Variants in PI4KA observed in about 807,000 individuals in gnomAD.
PI4KA encodes the protein PI4-kinase alpha.
In PI4KA, 122 loss-of-function variants were observed where a neutral mutation model predicts 271.4. The observed-to-expected ratio is 0.45, with a 90% CI of 0.39 to 0.52. PI4KA has a LOEUF of 0.52. Among genes scored for constraint, PI4KA ranks in the 20% least tolerant of loss-of-function variants. The pLI, the probability that PI4KA is intolerant of heterozygous loss-of-function variation, is 0.00. For synonymous variants in PI4KA, 1,041 were observed against 1,078.8 expected, an observed-to-expected ratio of 0.96 and a Z score of 0.69; for missense variants, 1,969 against 2,769.1, an observed-to-expected ratio of 0.71 and a Z score of 6.48.
At chr22:20,746,562 A>C (rs1568982949) in intron 29 of PI4KA, among the ~76,000 whole-genome samples, 1 of 152,204 alleles carries the variant, frequency 6.6e-6, no homozygotes, top group Non-Finnish European at 1.5e-5. Context: ...ACCCCCAAAA[A>C]GGAAAAGGCT....
intron 23 of PI4KA, among the ~76,000 whole-genome samples, chr22:20,760,592 C>T (rs147333355): frequency 4.0e-4 from 61 of 152,306 alleles, no homozygotes; most frequent in African/African-American, 1.4e-3. Context: ...TACACACTCA[C>T]GGGACCACTA....
intron 1 of PI4KA, among the ~76,000 whole-genome samples, chr22:20,844,735 T>G (rs1433855728): frequency 6.6e-6 from 1 of 152,124 alleles, no homozygotes; most frequent in South Asian, 2.1e-4. Context: ...ATATTGAACA[T>G]TTATCATGTG....
At position 20,841,099 on chromosome 22, in the gene PI4KA, C is replaced by T. The variant is rs761485235; in HGVS notation, c.157-2368G>A. 4.1e-4 allele frequency among the ~76,000 whole-genome samples: 63 copies of T among 152,270 alleles called. No individual in the cohort carries two copies. In the Middle Eastern group the frequency reaches 0.01, roughly 25 times the overall value. On this transcript the variant is annotated intron_variant, in intron 1 of 54. Coordinates refer to ENST00000255882, the MANE Select transcript of PI4KA (RefSeq NM_058004.4). ...CCACCAAAACCAAGATGTCTGGTCT[C>T]GAACTCCTTATCTCAGGTGATACGC...
rs755379074 is a variant in PI4KA at position 20,803,263 on chromosome 22, A to C, written c.1519T>G (p.Leu507Val). The stretch of plus-strand genomic sequence containing the variant: ...GACGGGATGACCAGGAAGTCTCGCA[A>C]GGACGGTGTCACAGAGTGCACCACC... ...PVVVHSVTPS[L>V]RDFLVIPSPV... Residue 507 changes from leucine (L) to valine (V), a missense_variant, in exon 13 of 55, where the codon TTG (leucine) becomes GTG (valine). Physicochemically the swap from Leu to Val is conservative, Grantham distance 32. Around this residue, in one of 13 missense-constraint regions of PI4KA, gnomAD observed 228 missense variants for 261.6 expected, o/e 0.87. Transcript: ENST00000255882. 1.9e-5 allele frequency: 30 copies of C among 1,614,056 alleles called. No individual in the cohort carries two copies. The highest frequency in any genetic ancestry group is 2.5e-5 in the Non-Finnish European group (30 of 1,180,014).
At chr22:20,814,330 A>C (rs532372498) in intron 7 of PI4KA, among the ~76,000 whole-genome samples, 21 of 152,204 alleles carry the variant, frequency 1.4e-4, no homozygotes, top group Non-Finnish European at 2.6e-4. Context: ...TGACTGGGGG[A>C]AGGGGAAATG....
intron 2 of PI4KA, among the ~76,000 whole-genome samples, chr22:20,836,424 C>T (rs149960159): frequency 2.3e-3 from 354 of 152,344 alleles, no homozygotes; most frequent in Non-Finnish European, 4.1e-3. Flanking sequence ...AGACATCTGT[C>T]GAGGATCCTA....
intron 14 of PI4KA, among the ~76,000 whole-genome samples, chr22:20,800,445 C>A (rs1010229284): frequency 1.3e-5 from 2 of 152,168 alleles, no homozygotes; most frequent in Non-Finnish European, 1.5e-5. Flanking sequence ...TAAAACCTCA[C>A]ATTTATATTA....
At chr22:20,737,247 A>G (rs373064996) in intron 32 of PI4KA, among the ~76,000 whole-genome samples, 1 of 152,188 alleles carries the variant, frequency 6.6e-6, no homozygotes, top group Admixed American at 6.5e-5. Context: ...TGAAAGGGCT[A>G]CAAAAATTAC....
chr22:20,808,755 T>A (rs1265041244), intron 9 of PI4KA, among the ~76,000 whole-genome samples: 1 of 151,878 alleles, frequency 6.6e-6, no homozygotes, highest in Non-Finnish European at 1.5e-5. Flanking sequence ...CACAGCTCAC[T>A]GCAGCCTTGA....
chr22:20,796,092 T>A, intron 18 of PI4KA, 54 bp downstream of exon 18: 1 of 1,540,760 alleles, frequency 6.5e-7, no homozygotes, highest in South Asian at 1.1e-5. Flanking sequence ...GACTAAGCCT[T>A]GGCCAGCAGG....
chr22:20,819,695 G>T lies in PI4KA; in HGVS notation c.735C>A (p.Val245=), dbSNP rs1468717417. 26 of 1,613,936 alleles carry T rather than the reference G, an allele frequency of 1.6e-5. No homozygotes were observed. The highest frequency in any genetic ancestry group is 2.2e-5 in the Non-Finnish European group (26 of 1,179,970). ...RSILPSNLLT[V]CQEGTLKRKT... Reference sequence around the variant, plus strand: ...TCCTCTTCAGGGTACCCTCCTGACAGACAGTCAGCAGATTGCTGGGGAGGA... The same window carrying T: ...TCCTCTTCAGGGTACCCTCCTGACATACAGTCAGCAGATTGCTGGGGAGGA... The change falls in exon 6 of 55, where the codon GTC becomes GTA. Residue 245 remains valine, a synonymous_variant. Transcript: ENST00000255882.
chr22:20,727,348 T>C lies in PI4KA; in HGVS notation c.4823A>G (p.His1608Arg), dbSNP rs1282279196. Reference sequence around the variant, plus strand: ...GTCCGTGGGCGCCCAGCACAGCACATGGCTGAGCTCTGGAGCATCGGCGTC... The same window carrying C: ...GTCCGTGGGCGCCCAGCACAGCACACGGCTGAGCTCTGGAGCATCGGCGTC... ...TIDADAPELS[H>R]VLCWAPTDPP... The change falls in exon 41 of 55, where the codon CAT becomes CGT. Residue 1608 changes from histidine (H) to arginine (R), a missense_variant. This residue lies in a region of PI4KA where 388 missense variants were observed against 521.5 expected (regional missense o/e 0.74). Transcript: ENST00000255882. 2 of 1,611,554 alleles carry C rather than the reference T, an allele frequency of 1.2e-6. No homozygotes were observed. Among genetic ancestry groups the C allele is most frequent in the Non-Finnish European group, 1.7e-6 (2 of 1,179,498 alleles).
At chr22:20,764,300 T>C (rs1353676735) in intron 22 of PI4KA, among the ~76,000 whole-genome samples, 1 of 152,238 alleles carries the variant, frequency 6.6e-6, no homozygotes, top group Non-Finnish European at 1.5e-5. Flanking sequence ...AGCTTACTTC[T>C]GAGGTCAACA....
chr22:20,756,189 T>C (rs1931276235), intron 23 of PI4KA, among the ~76,000 whole-genome samples: 1 of 151,806 alleles, frequency 6.6e-6, no homozygotes, highest in Non-Finnish European at 1.5e-5. Flanking sequence ...TTTTGGGCCA[T>C]GTGTTTAGTA....
chr22:20,779,604 A>C, intron 19 of PI4KA: 1 of 1,614,190 alleles, frequency 6.2e-7, no homozygotes, highest in East Asian at 2.2e-5. Flanking sequence ...CATCGTCGAC[A>C]GTCTGTCAGT....
chr22:20,724,320 T>A (rs1480792858), intron 42 of PI4KA, among the ~76,000 whole-genome samples: 7 of 143,718 alleles, frequency 4.9e-5, no homozygotes, highest in African/African-American at 1.3e-4. Flanking sequence ...AAAAAAAAAA[T>A]TCTGGCTGAG....
intron 3 of PI4KA, among the ~76,000 whole-genome samples, chr22:20,829,107 G>A (rs1347813104): frequency 1.3e-5 from 2 of 151,926 alleles, no homozygotes; most frequent in East Asian, 3.9e-4. Flanking sequence ...TTCATCTATT[G>A]GCCTGAAGTT....
At chr22:20,843,145 T>G (rs1478884764) in intron 1 of PI4KA, among the ~76,000 whole-genome samples, 1 of 152,150 alleles carries the variant, frequency 6.6e-6, no homozygotes, top group Non-Finnish European at 1.5e-5. Flanking sequence ...CCTTCTTTAT[T>G]ATTTTCTGTA....
rs1316445225 is a variant in PI4KA, at chr22:20,713,316, C to A, written c.5536G>T (p.Ala1846Ser). ...EADGQKISWQ[A>S]AIFKVGDDCR... is the part of the protein sequence containing the mutation. Reference sequence around the variant, plus strand: ...TCGTCTCCCACCTTGAAGATGGCTGCCTGCCAGGAGATCTTCTGGCCGTCG... The same window carrying A: ...TCGTCTCCCACCTTGAAGATGGCTGACTGCCAGGAGATCTTCTGGCCGTCG... Residue 1846 changes from alanine to serine, a missense_variant, in exon 48 of 55, where the codon GCA becomes TCA. Coordinates refer to ENST00000255882, the MANE Select transcript of PI4KA (RefSeq NM_058004.4). 4 of 1,599,050 alleles carry A rather than the reference C, an allele frequency of 2.5e-6. No homozygotes were observed. Among genetic ancestry groups the A allele is most frequent in the South Asian group, 1.1e-5 (1 of 88,770 alleles).
Sources: gnomAD v4.1 joint callset for allele counts (sites outside exome capture counted in the v4.1 genomes callset) on GRCh38, gnomAD v4.1.1 for gene constraint, gnomAD v4.1.1 regional missense constraint, MANE v1.5 for transcripts, NCBI Gene and HGNC (gene_info 2026-07-23, HGNC 2026-07-21) for gene names.